The following RSPH1 variants were observed in gnomAD, a reference collection of about 807,000 sequenced individuals.
The protein encoded by RSPH1 is radial spoke head 1 homolog.
Under a neutral mutation model 44.2 loss-of-function variants are expected in RSPH1, and 32 were observed. That is an observed-to-expected ratio of 0.72 (90% CI 0.55 to 0.97). The LOEUF (loss-of-function observed/expected upper bound fraction) is 0.97. Among genes scored for constraint, RSPH1 ranks in the 50% least tolerant of loss-of-function variants. The pLI is 0.00. For synonymous variants in RSPH1, 134 were observed against 147.3 expected, an observed-to-expected ratio of 0.91 and a Z score of 0.65; for missense variants, 391 against 398.7, an observed-to-expected ratio of 0.98 and a Z score of 0.16.
rs1652398940 is a variant in RSPH1, at chr21:42,477,594, T to C, written c.574-150A>G. On this transcript the variant is annotated intron_variant, in intron 6 of 8. Transcript: ENST00000291536. ...GACGTCACTCAGGAATCAGACCAGT[T>C]GCTGACTATCCATGGTATAATCTCA... is the stretch of plus-strand genomic sequence containing the variant. 18 of 734,288 alleles carry C rather than the reference T, an allele frequency of 2.5e-5. No individual in the cohort carries two copies. The South Asian group carries it at 3.1e-4, about 13-fold the overall frequency. The allele number at this position is 734,288 out of a possible 1,614,324, so 45.5% of individuals were successfully genotyped here. A position where few individuals can be genotyped will look rare whatever the true frequency, so the allele number is the denominator to read the frequency against.
At position 42,494,954 on chromosome 21, in the gene RSPH1, C is replaced by A. The variant is rs376957140; in HGVS notation, c.54+1179G>T. Among the ~76,000 whole-genome samples the A allele has an allele frequency of 8.6e-3, 1,313 of 152,286 alleles. 27 individuals carry two copies. Among genetic ancestry groups the A allele is most frequent in the African/African-American group, 0.03 (1,243 of 41,552 alleles). ...AGCTCAGGCAATCTGCCCACCTCGGCCTCCCAAAGTGCTGGGATTACAGGT... is the reference window on the plus strand; with the variant it reads ...AGCTCAGGCAATCTGCCCACCTCGGACTCCCAAAGTGCTGGGATTACAGGT... On this transcript the variant is annotated intron_variant, in intron 1 of 8. Transcript: ENST00000291536.
intron 1 of RSPH1, among the ~76,000 whole-genome samples, chr21:42,495,083 T>A (rs548346634): frequency 6.6e-5 from 10 of 152,188 alleles, no homozygotes; most frequent in Admixed American, 1.3e-4. Flanking sequence ...TAAGGAAGGA[T>A]GCCTTTGCAG....
chr21:42,484,061 T>C lies in RSPH1; in HGVS notation c.502-1353A>G, dbSNP rs368435122. Among the ~76,000 whole-genome samples the C allele has an allele frequency of 2.6e-4, 40 of 152,240 alleles. 1 individual carries two copies. The South Asian group carries it at 7.7e-3, about 29-fold the overall frequency. On this transcript the variant is annotated intron_variant, in intron 5 of 8. Coordinates refer to ENST00000291536, the MANE Select transcript of RSPH1 (RefSeq NM_080860.4). ...GAAGTTTTGTGGTATTGATAACTTG[T>C]CCACAAGGACATGTACAGGGAATTT...
intron 8 of RSPH1, among the ~76,000 whole-genome samples, chr21:42,473,446 C>T (rs572946789): frequency 5.4e-4 from 79 of 146,962 alleles, no homozygotes; most frequent in Non-Finnish European, 1.1e-3. Context: ...GCCGAGGTCA[C>T]GCCATTGCAC....
intron 3 of RSPH1, among the ~76,000 whole-genome samples, chr21:42,489,297 T>C (rs1210001558): frequency 1.3e-5 from 2 of 152,044 alleles, no homozygotes; most frequent in African/African-American, 4.8e-5. Flanking sequence ...GGTTGGCTGG[T>C]TGGCTAATTG....
At chr21:42,479,726 T>C (rs1007145959) in intron 6 of RSPH1, among the ~76,000 whole-genome samples, 1 of 145,152 alleles carries the variant, frequency 6.9e-6, no homozygotes, top group Non-Finnish European at 1.5e-5. Flanking sequence ...TGTAGGAGGT[T>C]ACACACACAC....
chr21:42,476,916 A>T (rs2839533), intron 7 of RSPH1, among the ~76,000 whole-genome samples: 85,115 of 151,826 alleles, frequency 0.56, 26,589 homozygotes, highest in South Asian at 0.7. Context: ...TGGCCTGAAA[A>T]CAGGATGTCC....
intron 1 of RSPH1, among the ~76,000 whole-genome samples, chr21:42,493,476 ACCTCCCCGTTTG>A (rs939522118): frequency 1.4e-4 from 22 of 152,228 alleles, no homozygotes; most frequent in African/African-American, 5.3e-4. Context: ...CCACACAAAT[ACCTCCCCGTTTG>A]CTTCCTTCAG....
rs151319241 is a variant in RSPH1, at chr21:42,472,696, T to C, written c.*122A>G. ...TCCACTCACTGCAACTGCCACTTTC[T>C]GGACTCAAGCAATCCTCCTGCCTCA... On this transcript the variant is annotated 3_prime_UTR_variant, in exon 9 of 9. Coordinates refer to ENST00000291536, the MANE Select transcript of RSPH1 (RefSeq NM_080860.4). 3 of 717,422 alleles carry C rather than the reference T, an allele frequency of 4.2e-6. No homozygotes were observed. In the African/African-American group the frequency reaches 5.4e-5, roughly 13 times the overall value. 44.4% of individuals were successfully genotyped at this position (717,422 alleles called of 1,614,324 possible). A position where few individuals can be genotyped will look rare whatever the true frequency, so the allele number is the denominator to read the frequency against.
intron 6 of RSPH1, among the ~76,000 whole-genome samples, chr21:42,480,530 C>T (rs1412970198): frequency 1.3e-5 from 2 of 150,688 alleles, no homozygotes; most frequent in African/African-American, 2.4e-5. Flanking sequence ...ATCCCAGCTA[C>T]TCGGGAGGCT....
chr21:42,483,162 C>G (rs2054146508), intron 5 of RSPH1, among the ~76,000 whole-genome samples: 1 of 152,080 alleles, frequency 6.6e-6, no homozygotes, highest in Admixed American at 6.5e-5. Context: ...ATAACAGTTG[C>G]CACCTGGTAC....
At chr21:42,492,932 G>C (rs549351345) in intron 2 of RSPH1, 34 bp downstream of exon 2, 1 of 1,600,706 alleles carries the variant, frequency 6.2e-7, no homozygotes, top group African/African-American at 1.3e-5. Flanking sequence ...GTATTAAATA[G>C]AGAAAACCAT....
chr21:42,481,527 G>T (rs2054128014), intron 6 of RSPH1, among the ~76,000 whole-genome samples: 4 of 152,182 alleles, frequency 2.6e-5, no homozygotes, highest in Non-Finnish European at 5.9e-5. Context: ...TGCAGACATG[G>T]GAGAGTTTGT....
At chr21:42,479,566 G>T (rs1601627542) in intron 6 of RSPH1, among the ~76,000 whole-genome samples, 1 of 152,260 alleles carries the variant, frequency 6.6e-6, no homozygotes, top group East Asian at 1.9e-4. Context: ...TATTACCAGT[G>T]CTGACAAGAT....
chr21:42,493,214 C>G (rs1274212030), intron 1 of RSPH1, 135 bp from the exon 2 acceptor site: 2 of 761,486 alleles, frequency 2.6e-6, no homozygotes, highest in Admixed American at 2.4e-5. Context: ...ATTGTCCCAC[C>G]TTTCCCACCT....
At chr21:42,489,341 T>A (rs748490085) in intron 3 of RSPH1, among the ~76,000 whole-genome samples, 2 of 152,032 alleles carry the variant, frequency 1.3e-5, no homozygotes, top group South Asian at 4.2e-4. Context: ...GGTTAATTGG[T>A]TGGTTGATTG....
chr21:42,496,221 C>A lies in RSPH1; in HGVS notation c.-35G>T, dbSNP rs1040720440. On this transcript the variant is annotated 5_prime_UTR_variant, in exon 1 of 9. It adds an upstream start codon to the 5' untranslated region. Coordinates refer to ENST00000291536, the MANE Select transcript of RSPH1 (RefSeq NM_080860.4). ...CCAGCCTGGATCACAGCCGCAGCGC[C>A]TCTAGCAGGTGGGTAGCAACCGCCT... The A allele has an allele frequency of 6.2e-7, 1 of 1,613,344 alleles. No homozygotes were observed.
chr21:42,487,139 T>C (rs1008738490), intron 3 of RSPH1, among the ~76,000 whole-genome samples: 2 of 152,198 alleles, frequency 1.3e-5, no homozygotes, highest in Non-Finnish European at 2.9e-5. Flanking sequence ...TAAGTCCTTA[T>C]AGGCTTGGTA....
At chr21:42,479,462 A>C (rs775781740) in intron 6 of RSPH1, among the ~76,000 whole-genome samples, 1 of 152,196 alleles carries the variant, frequency 6.6e-6, no homozygotes, top group Non-Finnish European at 1.5e-5. Context: ...TTTCCAGTAG[A>C]GTCTAAAGCT....
Sources: gnomAD v4.1 joint callset for allele counts (sites outside exome capture counted in the v4.1 genomes callset) on GRCh38, gnomAD v4.1.1 for gene constraint, MANE v1.5 for transcripts, NCBI Gene and HGNC (gene_info 2026-07-23, HGNC 2026-07-21) for gene names.